Variants in TRMT11 observed in about 807,000 individuals in gnomAD.
The protein encoded by TRMT11 is tRNA (guanine(10)-N(2))-methyltransferase TRMT11.
In TRMT11, 53 loss-of-function variants were observed where a neutral mutation model predicts 62.8. The ratio of observed to expected loss-of-function variants is 0.84; its 90% CI spans 0.68 to 1.06. The LOEUF is 1.06. TRMT11 is among the 50% of genes least tolerant of loss of function. The pLI is 0.00. For synonymous variants in TRMT11, 188 were observed against 190.3 expected (o/e 0.99, Z 0.10); for missense variants, 556 against 553.4 (o/e 1.00, Z -0.05).
At chr6:126,226,730 AT>A in the TRMT11 span, among the ~76,000 whole-genome samples, 1 of 152,234 alleles carries the variant, frequency 6.6e-6, no homozygotes, top group Non-Finnish European at 1.5e-5. Context: ...ACTTTTAAAA[AT>A]TCTGTATTCC....
intron 12 of TRMT11, among the ~76,000 whole-genome samples, chr6:126,028,924 T>TA (rs1449285441): frequency 6.6e-6 from 1 of 152,138 alleles, no homozygotes; most frequent in African/African-American, 2.4e-5. Context: ...GCTATGCCAG[T>TA]AAAACAGTTT....
the TRMT11 span, among the ~76,000 whole-genome samples, chr6:126,217,203 C>CT: frequency 6.6e-6 from 1 of 152,214 alleles, no homozygotes; most frequent in Non-Finnish European, 1.5e-5. Context: ...GAAAGATCAC[C>CT]TATGACTGTC....
intron 1 of TRMT11, among the ~76,000 whole-genome samples, chr6:125,987,369 G>C (rs780209263): frequency 2.0e-5 from 3 of 152,144 alleles, no homozygotes; most frequent in Non-Finnish European, 4.4e-5. Flanking sequence ...CAGTAAATTA[G>C]AATTACAAGG....
At chr6:126,036,767 GAGT>G (rs1562296950) in intron 12 of TRMT11, among the ~76,000 whole-genome samples, 2 of 152,094 alleles carry the variant, frequency 1.3e-5, no homozygotes, top group African/African-American at 4.8e-5. Flanking sequence ...ATACCTGGAG[GAGT>G]AGTTGATGGA....
chr6:126,044,009 G>A (rs1775967315), downstream of TRMT11, among the ~76,000 whole-genome samples: 1 of 151,824 alleles, frequency 6.6e-6, no homozygotes, highest in African/African-American at 2.4e-5. Context: ...TAGGTTGCCT[G>A]TTCACTCTGA....
chr6:126,171,757 C>T (rs976654927), intron 21 of TRMT11, among the ~76,000 whole-genome samples: 1 of 152,076 alleles, frequency 6.6e-6, no homozygotes, highest in African/African-American at 2.4e-5. Context: ...TCGCTCTTGT[C>T]GCCCAGGCTG....
chr6:126,085,273 T>C (rs918385449), intron 17 of TRMT11, among the ~76,000 whole-genome samples: 3 of 152,194 alleles, frequency 2.0e-5, no homozygotes, highest in Non-Finnish European at 2.9e-5. Context: ...TGTTCATCTT[T>C]TTTACTAGCC....
intron 17 of TRMT11, among the ~76,000 whole-genome samples, chr6:126,059,103 C>G (rs1207715897): frequency 7.1e-6 from 1 of 140,132 alleles, no homozygotes; most frequent in Non-Finnish European, 1.5e-5. Flanking sequence ...AGGCTGGTCT[C>G]AGAATCCTGG....
chr6:126,243,703 A>T, the TRMT11 span, among the ~76,000 whole-genome samples: 49 of 152,270 alleles, frequency 3.2e-4, no homozygotes, highest in African/African-American at 1.1e-3. Context: ...TAAACACCGC[A>T]TATTCACTCA....
intron 17 of TRMT11, among the ~76,000 whole-genome samples, chr6:126,053,444 T>C (rs1776274556): frequency 6.6e-6 from 1 of 152,224 alleles, no homozygotes; most frequent in Non-Finnish European, 1.5e-5. Flanking sequence ...CTATTTCCTC[T>C]TTTATACAGC....
At chr6:125,997,116 T>C (rs1229022518) in intron 3 of TRMT11, among the ~76,000 whole-genome samples, 1 of 152,244 alleles carries the variant, frequency 6.6e-6, no homozygotes, top group Non-Finnish European at 1.5e-5. Flanking sequence ...AATTAACAGT[T>C]GTATAATATA....
chr6:126,186,034 A>C (rs1367916835), intron 1 of TRMT11, among the ~76,000 whole-genome samples: 1 of 152,178 alleles, frequency 6.6e-6, no homozygotes, highest in African/African-American at 2.4e-5. Flanking sequence ...CAACCAAACC[A>C]TATCACCCTC....
the TRMT11 span, among the ~76,000 whole-genome samples, chr6:126,258,748 T>G: frequency 9.3e-3 from 1,410 of 152,280 alleles, 13 homozygotes; most frequent in African/African-American, 0.026. Flanking sequence ...TTTATTTTTT[T>G]GGGGTATTTT....
At chr6:126,090,772 G>T (rs1777264825) in intron 17 of TRMT11, among the ~76,000 whole-genome samples, 1 of 152,172 alleles carries the variant, frequency 6.6e-6, no homozygotes, top group Admixed American at 6.5e-5. Context: ...CTTTGAGAGA[G>T]AATCTCAATC....
At chr6:126,193,481 C>T (rs187173671) in intron 1 of TRMT11, among the ~76,000 whole-genome samples, 6,971 of 138,412 alleles carry the variant, frequency 0.05, 265 homozygotes, top group Middle Eastern at 0.11. Flanking sequence ...TTAAGAGGAG[C>T]GTTTCTGTAT....
At chr6:126,002,038 CTT>C (rs1174431335) in intron 7 of TRMT11, among the ~76,000 whole-genome samples, 2 of 152,012 alleles carry the variant, frequency 1.3e-5, no homozygotes, top group African/African-American at 2.4e-5. Context: ...TGTTCCTATC[CTT>C]TTTTCTTTGG....
chr6:126,220,457 A>G, the TRMT11 span, among the ~76,000 whole-genome samples: 6 of 152,216 alleles, frequency 3.9e-5, no homozygotes, highest in Non-Finnish European at 5.9e-5. Context: ...TTTCCATTCT[A>G]GGAAAAAATG....
At chr6:126,229,628 AAATATTCTAAG>A in the TRMT11 span, among the ~76,000 whole-genome samples, 1 of 152,190 alleles carries the variant, frequency 6.6e-6, no homozygotes, top group Non-Finnish European at 1.5e-5. Flanking sequence ...ACCTCATTCC[AAATATTCTAAG>A]TTTCTATTTT....
the TRMT11 span, among the ~76,000 whole-genome samples, chr6:126,252,763 A>G: frequency 6.6e-6 from 1 of 152,212 alleles, no homozygotes; most frequent in Non-Finnish European, 1.5e-5. Context: ...GACTCAAGAA[A>G]ATGTCAAGAT....
Sources: gnomAD v4.1 joint callset for allele counts (sites outside exome capture counted in the v4.1 genomes callset) on GRCh38, gnomAD v4.1.1 for gene constraint, MANE v1.5 for transcripts, NCBI Gene and HGNC (gene_info 2026-07-23, HGNC 2026-07-21) for gene names.